Variants in DCX observed in about 807,000 individuals in gnomAD.
DCX encodes doublecortin.
A neutral mutation model predicts 20.9 loss-of-function variants in DCX; 4 were observed. That is an observed-to-expected ratio of 0.19 (90% CI 0.09 to 0.44). The LOEUF (loss-of-function observed/expected upper bound fraction) is 0.44, where lower values mean the gene tolerates loss of function less well. DCX is among the 20% of genes least tolerant of loss of function. DCX has a pLI of 0.99. For synonymous variants in DCX, 103 were observed against 111.4 expected (o/e 0.92, Z 0.47); for missense variants, 133 against 296.9 (o/e 0.45, Z 4.06).
intron 3 of DCX, among the ~76,000 whole-genome samples, chrX:111,377,157 G>A (rs921044346): frequency 1.8e-5 from 2 of 111,522 alleles, no homozygotes; most frequent in African/African-American, 3.3e-5. Flanking sequence ...TTGAGCCAGC[G>A]TAAAAAGGCT....
chrX:111,390,251 A>G (rs1194987051), intron 3 of DCX, among the ~76,000 whole-genome samples: 1 of 111,838 alleles, frequency 8.9e-6, no homozygotes, highest in Non-Finnish European at 1.9e-5. Flanking sequence ...ATCTGCCCCA[A>G]ACCTGAACAA....
chrX:111,346,202 T>C (rs960787974), intron 3 of DCX, among the ~76,000 whole-genome samples: 1 of 111,550 alleles, frequency 9.0e-6, no homozygotes, highest in Non-Finnish European at 1.9e-5. Flanking sequence ...TTCACTCTGA[T>C]GATAGCTTCT....
rs1226898196 is a variant in DCX at position 111,296,635 on chromosome X, C to A, written c.*5052G>T. The A allele has an allele frequency of 9.1e-6, 1 of 109,886 alleles. No homozygotes were observed. The allele number at this position is 109,886 out of a possible 1,213,427, so 9.1% of individuals were successfully genotyped here. A position where few individuals can be genotyped will look rare whatever the true frequency, so the allele number is the denominator to read the frequency against. On this transcript the variant is annotated 3_prime_UTR_variant, in exon 7 of 7. Coordinates refer to ENST00000636035, the MANE Select transcript of DCX (RefSeq NM_001195553.2). ...AAATAGCCAGATTTGGTGGCGCACG[C>A]CTGTAATCCCAGCTACTCGGGAGAC...
intron 5 of DCX, among the ~76,000 whole-genome samples, chrX:111,316,644 T>C (rs1358010118): frequency 9.0e-6 from 1 of 111,671 alleles, no homozygotes; most frequent in Non-Finnish European, 1.9e-5. Context: ...ACTATCTCTG[T>C]AGGTGATATG....
At chrX:111,329,673 G>A (rs2095107565) in intron 5 of DCX, among the ~76,000 whole-genome samples, 1 of 111,726 alleles carries the variant, frequency 9.0e-6, no homozygotes, top group Non-Finnish European at 1.9e-5. Flanking sequence ...GGAGTGCAAA[G>A]ACATGGAAGT....
chrX:111,404,727 A>T (rs1928078503), intron 2 of DCX, among the ~76,000 whole-genome samples: 1 of 112,307 alleles, frequency 8.9e-6, no homozygotes, highest in Admixed American at 9.4e-5. Context: ...GGATAATTAA[A>T]TGTTAAGAAA....
chrX:111,343,524 A>G (rs1414932024), intron 3 of DCX, among the ~76,000 whole-genome samples: 1 of 110,524 alleles, frequency 9.0e-6, no homozygotes, highest in Non-Finnish European at 1.9e-5. Context: ...AGCTGGTACC[A>G]TTATTTCTGA....
At chrX:111,374,576 T>A (rs951024946) in intron 3 of DCX, among the ~76,000 whole-genome samples, 1 of 111,456 alleles carries the variant, frequency 9.0e-6, no homozygotes, top group Admixed American at 9.5e-5. Flanking sequence ...GCTACTCATC[T>A]TGGGCAGCCA....
At chrX:111,325,110 G>A (rs750440213) in intron 5 of DCX, among the ~76,000 whole-genome samples, 12 of 111,606 alleles carry the variant, frequency 1.1e-4, no homozygotes, top group Non-Finnish European at 1.9e-4. Flanking sequence ...TGTCTAAGCT[G>A]TCTTGTTTCA....
At chrX:111,320,157 T>A (rs1283322351) in intron 5 of DCX, among the ~76,000 whole-genome samples, 1 of 112,063 alleles carries the variant, frequency 8.9e-6, no homozygotes, top group Non-Finnish European at 1.9e-5. Context: ...ATAGAGAAAT[T>A]AAGTAATGTA....
At chrX:111,405,280 T>A (rs960255242) in intron 2 of DCX, among the ~76,000 whole-genome samples, 1 of 112,526 alleles carries the variant, frequency 8.9e-6, no homozygotes, top group Non-Finnish European at 1.9e-5. Context: ...TAAATGACAC[T>A]TTACTGTATT....
intron 6 of DCX, among the ~76,000 whole-genome samples, chrX:111,311,589 C>T (rs1439970196): frequency 9.0e-6 from 1 of 111,561 alleles, no homozygotes; most frequent in Non-Finnish European, 1.9e-5. Context: ...GCTCTCACCA[C>T]CTACTGTGAG....
At chrX:111,350,276 G>T (rs983324640) in intron 3 of DCX, among the ~76,000 whole-genome samples, 4 of 111,634 alleles carry the variant, frequency 3.6e-5, no homozygotes, top group Non-Finnish European at 7.5e-5. Flanking sequence ...GTCCTGGAGA[G>T]TAGATCTGCC....
In DCX at chrX:111,317,652, C is replaced by T. The variant is rs761090203; in HGVS notation, c.947-4916G>A. 1.1e-3 allele frequency among the ~76,000 whole-genome samples: 128 copies of T among 111,734 alleles called. 1 individual carries two copies. The highest frequency in any genetic ancestry group is 4.1e-3 in the African/African-American group (126 of 30,733). On this transcript the variant is annotated intron_variant, in intron 5 of 6. Coordinates refer to ENST00000636035, the MANE Select transcript of DCX (RefSeq NM_001195553.2). Reference sequence around the variant, plus strand: ...CCTACAGAATGGTAGAAAATACTTGCAAATTATGCATCTGACAAAGGTCTA... The same window carrying T: ...CCTACAGAATGGTAGAAAATACTTGTAAATTATGCATCTGACAAAGGTCTA...
At chrX:111,367,978 G>T (rs1357560945) in intron 3 of DCX, among the ~76,000 whole-genome samples, 1 of 111,181 alleles carries the variant, frequency 9.0e-6, no homozygotes, top group Non-Finnish European at 1.9e-5. Context: ...AGCTAAGTAT[G>T]CTATTTTTTC....
chrX:111,370,670 T>C (rs1168197596), intron 3 of DCX, among the ~76,000 whole-genome samples: 1 of 110,843 alleles, frequency 9.0e-6, no homozygotes, highest in Non-Finnish European at 1.9e-5. Flanking sequence ...CTAGTGTTTG[T>C]TTTGAAGCCC....
chrX:111,395,429 C>T (rs1242701500), intron 3 of DCX, among the ~76,000 whole-genome samples: 1 of 112,082 alleles, frequency 8.9e-6, no homozygotes, highest in African/African-American at 3.2e-5. Flanking sequence ...AGGAGCATCT[C>T]AACAACAATA....
chrX:111,340,958 A>C (rs1423462626), intron 3 of DCX, among the ~76,000 whole-genome samples: 1 of 111,268 alleles, frequency 9.0e-6, no homozygotes, highest in Non-Finnish European at 1.9e-5. Context: ...CTGAAAACCC[A>C]AAAGCCCAGA....
intron 3 of DCX, among the ~76,000 whole-genome samples, chrX:111,365,064 GTAT>G (rs373062214): frequency 1.9e-5 from 2 of 105,797 alleles, no homozygotes; most frequent in Non-Finnish European, 3.9e-5. Context: ...GCTAATTTTT[GTAT>G]TATTATTATT....
Sources: gnomAD v4.1 joint callset for allele counts (sites outside exome capture counted in the v4.1 genomes callset) on GRCh38, gnomAD v4.1.1 for gene constraint, MANE v1.5 for transcripts, NCBI Gene and HGNC (gene_info 2026-07-23, HGNC 2026-07-21) for gene names.